The following FNIP2 variants were observed in gnomAD, a reference collection of about 807,000 sequenced individuals.
The protein encoded by FNIP2 is folliculin interacting protein 2, also known as folliculin-interacting protein 2.
In FNIP2, 32 loss-of-function variants were observed where a neutral mutation model predicts 108.7. That is an observed-to-expected ratio of 0.29 (90% CI 0.22 to 0.40). FNIP2 has a LOEUF of 0.40. Among genes scored for constraint, FNIP2 ranks in the 10% least tolerant of loss-of-function variants. The pLI is 1.00. For synonymous variants in FNIP2, 480 were observed against 496.7 expected (o/e 0.97, Z 0.45); for missense variants, 1,202 against 1,381.6 (o/e 0.87, Z 2.06).
At chr4:158,804,861 C>G (rs1471073229) in intron 1 of FNIP2, among the ~76,000 whole-genome samples, 1 of 152,118 alleles carries the variant, frequency 6.6e-6, no homozygotes, top group Admixed American at 6.5e-5. Context: ...TTCATTTTCT[C>G]CTAATCTGGT....
At chr4:158,859,498 A>AT (rs998197892) in intron 9 of FNIP2, 80 bp from the exon 10 acceptor site, 31 of 1,247,886 alleles carry the variant, frequency 2.5e-5, no homozygotes, top group African/African-American at 4.6e-5. Context: ...TGATTACATA[A>AT]TTTTTTTTAT....
chr4:158,854,576 T>C (rs927908586), intron 8 of FNIP2, among the ~76,000 whole-genome samples: 22 of 152,192 alleles, frequency 1.4e-4, no homozygotes, highest in African/African-American at 4.6e-4. Context: ...CTGTAACAAA[T>C]ACAGGTTAAC....
At chr4:158,872,515 A>G in intron 14 of FNIP2, 1 of 985,432 alleles carries the variant, frequency 1.0e-6, no homozygotes, top group Non-Finnish European at 1.2e-6. Context: ...ATAATAACCT[A>G]TATTGTGTCA....
intron 12 of FNIP2, among the ~76,000 whole-genome samples, chr4:158,867,284 C>T (rs1422221966): frequency 6.6e-6 from 1 of 152,186 alleles, no homozygotes; most frequent in East Asian, 1.9e-4. Flanking sequence ...CCTCTGGCTT[C>T]CAGGTTCAAG....
At chr4:158,862,530 TAAC>T (rs567482588) in intron 12 of FNIP2, among the ~76,000 whole-genome samples, 2 of 152,224 alleles carry the variant, frequency 1.3e-5, no homozygotes, top group Non-Finnish European at 2.9e-5. Context: ...AGAGGCTAGT[TAAC>T]AAATATAAAA....
chr4:158,858,355 G>A (rs530414931), intron 8 of FNIP2, among the ~76,000 whole-genome samples: 45 of 152,316 alleles, frequency 3.0e-4, no homozygotes, highest in African/African-American at 1.1e-3. Context: ...GCTTTTCACA[G>A]TAGTTAAGTA....
At chr4:158,819,756 G>A (rs1245502114) in intron 1 of FNIP2, among the ~76,000 whole-genome samples, 1 of 152,206 alleles carries the variant, frequency 6.6e-6, no homozygotes, top group African/African-American at 2.4e-5. Context: ...GCTATGTCAA[G>A]CTTAATTTTC....
chr4:158,867,895 T>A (rs778696831), intron 12 of FNIP2, among the ~76,000 whole-genome samples: 12 of 152,070 alleles, frequency 7.9e-5, no homozygotes, highest in Non-Finnish European at 1.3e-4. Flanking sequence ...ACACCAGGGG[T>A]GGTGGGCCAC....
At chr4:158,895,626 G>T in intron 15 of FNIP2, 124 bp from the exon 16 acceptor site, 1 of 631,408 alleles carries the variant, frequency 1.6e-6, no homozygotes, top group Admixed American at 2.6e-5. Context: ...GATTTTTTAA[G>T]TGTATTTGAA....
chr4:158,803,172 GT>G (rs1776818376), intron 1 of FNIP2, among the ~76,000 whole-genome samples: 1 of 152,210 alleles, frequency 6.6e-6, no homozygotes, highest in African/African-American at 2.4e-5. Flanking sequence ...TTTTGTAAAT[GT>G]GTAAACTTTG....
At chr4:158,785,997 C>G (rs1334261895) in intron 1 of FNIP2, among the ~76,000 whole-genome samples, 4 of 152,076 alleles carry the variant, frequency 2.6e-5, no homozygotes, top group Non-Finnish European at 5.9e-5. Flanking sequence ...GTTTGAAGAT[C>G]TTTTTTGCCT....
intron 1 of FNIP2, among the ~76,000 whole-genome samples, chr4:158,803,640 T>TA (rs1776836867): frequency 6.6e-6 from 1 of 152,244 alleles, no homozygotes; most frequent in African/African-American, 2.4e-5. Flanking sequence ...TCTACCCTAT[T>TA]ACATTTTATC....
At chr4:158,776,840 A>C (rs1033693398) in intron 1 of FNIP2, among the ~76,000 whole-genome samples, 5 of 152,216 alleles carry the variant, frequency 3.3e-5, no homozygotes, top group Non-Finnish European at 7.3e-5. Flanking sequence ...ATCCTTAAAG[A>C]GTCTCTAGTA....
intron 14 of FNIP2, chr4:158,872,353 T>A (rs1780999939): frequency 3.0e-6 from 3 of 985,460 alleles, no homozygotes; most frequent in Non-Finnish European, 3.6e-6. Flanking sequence ...TATAATTCTT[T>A]TATTTGAAAA....
At chr4:158,853,145 TATC>T (rs1319970394) in intron 8 of FNIP2, among the ~76,000 whole-genome samples, 1 of 152,194 alleles carries the variant, frequency 6.6e-6, no homozygotes, top group Non-Finnish European at 1.5e-5. Flanking sequence ...TATATTATAA[TATC>T]ATTATGTGAT....
intron 1 of FNIP2, among the ~76,000 whole-genome samples, chr4:158,809,737 A>G (rs919398477): frequency 6.6e-6 from 1 of 152,236 alleles, no homozygotes; most frequent in Non-Finnish European, 1.5e-5. Flanking sequence ...CACACTGAAA[A>G]GGAACTGAAA....
At chr4:158,844,385 C>T (rs1779289349) in intron 7 of FNIP2, among the ~76,000 whole-genome samples, 1 of 152,038 alleles carries the variant, frequency 6.6e-6, no homozygotes, top group East Asian at 1.9e-4. Context: ...TCTGGGATGT[C>T]CTCCCTTTGA....
intron 7 of FNIP2, chr4:158,836,215 T>C (rs942587918): frequency 6.6e-6 from 1 of 152,206 alleles, no homozygotes; most frequent in African/African-American, 2.4e-5. Context: ...CAGGCGTTGC[T>C]CAGACTGGAT....
chr4:158,883,367 G>A (rs1042712464), intron 14 of FNIP2, among the ~76,000 whole-genome samples: 1 of 151,860 alleles, frequency 6.6e-6, no homozygotes, highest in South Asian at 2.1e-4. Context: ...TCAGCCTCCC[G>A]AGTAGCTGGG....
Sources: allele counts gnomAD v4.1 joint callset (sites outside exome capture counted in the v4.1 genomes callset), GRCh38; gene constraint gnomAD v4.1.1; transcripts MANE v1.5; gene names NCBI Gene and HGNC (gene_info 2026-07-23, HGNC 2026-07-21).